Variants in SGMS1 observed in about 807,000 individuals in gnomAD.
The protein encoded by SGMS1 is phosphatidylcholine:ceramide cholinephosphotransferase 1.
In SGMS1, 13 loss-of-function variants were observed where a neutral mutation model predicts 46.2. The observed-to-expected ratio is 0.28, with a 90% CI of 0.18 to 0.45. The LOEUF is 0.45. Among genes scored for constraint, SGMS1 ranks in the 20% least tolerant of loss-of-function variants. The probability of loss-of-function intolerance (pLI) is 1.00; values close to 1 mark genes in which losing one functional copy is unlikely to be tolerated. For missense variants in SGMS1, 324 were observed against 519.9 expected (o/e 0.62, Z 3.66); for synonymous variants, 203 against 187.8 (o/e 1.08, Z -0.66).
At chr10:50,588,199 C>T (rs1838505238) in intron 2 of SGMS1, among the ~76,000 whole-genome samples, 1 of 152,192 alleles carries the variant, frequency 6.6e-6, no homozygotes, top group Non-Finnish European at 1.5e-5. Context: ...TTTTGAAGAA[C>T]CTTTACTGCT....
intron 3 of SGMS1, among the ~76,000 whole-genome samples, chr10:50,487,852 T>C (rs770218991): frequency 6.2e-4 from 95 of 152,190 alleles, no homozygotes; most frequent in Admixed American, 1.6e-3. Flanking sequence ...GAAAACATAA[T>C]TGGGTTTTAT....
At chr10:50,311,195 A>G in intron 9 of SGMS1, 67 bp downstream of exon 9, 1 of 1,556,354 alleles carries the variant, frequency 6.4e-7, no homozygotes, top group Non-Finnish European at 8.7e-7. Flanking sequence ...AATGAGCTTT[A>G]CCAGAGGACC....
At chr10:50,318,775 C>T (rs1364947199) in intron 8 of SGMS1, among the ~76,000 whole-genome samples, 1 of 152,174 alleles carries the variant, frequency 6.6e-6, no homozygotes, top group Non-Finnish European at 1.5e-5. Flanking sequence ...TTTCCCTTCA[C>T]TCGGCTGTGA....
intron 6 of SGMS1, chr10:50,418,298 G>A (rs1849206380): frequency 6.6e-6 from 1 of 152,280 alleles, no homozygotes; most frequent in Admixed American, 6.5e-5. Flanking sequence ...GCGGCGCTGC[G>A]GAGCCCGGCG....
intron 2 of SGMS1, among the ~76,000 whole-genome samples, chr10:50,562,834 G>A (rs1395813498): frequency 6.6e-6 from 1 of 152,148 alleles, no homozygotes; most frequent in Non-Finnish European, 1.5e-5. Flanking sequence ...GTGAGCCACC[G>A]CGCCCGGCCG....
chr10:50,415,285 G>C (rs188302999), intron 6 of SGMS1, among the ~76,000 whole-genome samples: 99 of 152,264 alleles, frequency 6.5e-4, no homozygotes, highest in East Asian at 9.7e-4. Context: ...TTTTATTTTT[G>C]TAAGTGATTC....
At chr10:50,576,142 C>T (rs770542207) in intron 2 of SGMS1, among the ~76,000 whole-genome samples, 20 of 152,112 alleles carry the variant, frequency 1.3e-4, no homozygotes, top group Admixed American at 6.5e-5. Flanking sequence ...CTGTATTACT[C>T]GGCCCCAGCT....
At chr10:50,495,029 C>G (rs1837600115) in intron 3 of SGMS1, among the ~76,000 whole-genome samples, 1 of 133,136 alleles carries the variant, frequency 7.5e-6, no homozygotes, top group Non-Finnish European at 1.6e-5. Context: ...GAGCGAGACT[C>G]CGTCTCAAAA....
Position 50,615,020 on chromosome 10 carries a change from T to A in SGMS1, c.-684+8687A>T, listed in dbSNP as rs569126905. On this transcript the variant is annotated intron_variant, in intron 1 of 10. Transcript: ENST00000361781. Reference sequence around the variant, plus strand: ...CTCTGCCAAAAGGTCTAATCAGAACTAGGAATATAGCAAAATAAAATTCGC... The same window carrying A: ...CTCTGCCAAAAGGTCTAATCAGAACAAGGAATATAGCAAAATAAAATTCGC... Among the ~76,000 whole-genome samples the A allele has an allele frequency of 4.5e-4, 69 of 152,368 alleles. 1 individual carries two copies. Among genetic ancestry groups the A allele is most frequent in the African/African-American group, 1.6e-3 (67 of 41,592 alleles).
At chr10:50,371,588 C>T (rs888441641) in intron 6 of SGMS1, among the ~76,000 whole-genome samples, 1 of 152,192 alleles carries the variant, frequency 6.6e-6, no homozygotes, top group Non-Finnish European at 1.5e-5. Flanking sequence ...GTAGTTCCTA[C>T]CTCACAGACT....
At chr10:50,411,802 C>T (rs377374618) in intron 6 of SGMS1, among the ~76,000 whole-genome samples, 25 of 152,136 alleles carry the variant, frequency 1.6e-4, no homozygotes, top group African/African-American at 5.8e-4. Context: ...TTAGGATCAC[C>T]AGGTTTCTTT....
intron 5 of SGMS1, among the ~76,000 whole-genome samples, chr10:50,448,742 CAA>C (rs35580756): frequency 2.4e-4 from 14 of 58,720 alleles, no homozygotes; most frequent in South Asian, 5.3e-4. Context: ...GAAACTCCGC[CAA>C]AAAAAAAAAA....
Position 50,596,206 on chromosome 10 carries a change from C to T in SGMS1, c.-683-5959G>A, listed in dbSNP as rs183239796. Among the ~76,000 whole-genome samples, 1,168 of 127,542 alleles carry T rather than the reference C, an allele frequency of 9.2e-3. 7 individuals are homozygous for T. The highest frequency in any genetic ancestry group is 0.03 in the African/African-American group (981 of 32,476). The allele number at this position is 127,542 out of a possible 152,430, so 83.7% of individuals were successfully genotyped here. ...TTTTTTTTTTTTTGAGACAGAGTTT[C>T]GCTCTTGTTGCCCAGGCTGAAGTGC... On this transcript the variant is annotated intron_variant, in intron 1 of 10. Transcript: ENST00000361781.
At chr10:50,331,045 T>C (rs1847616183) in intron 7 of SGMS1, among the ~76,000 whole-genome samples, 1 of 152,128 alleles carries the variant, frequency 6.6e-6, no homozygotes, top group African/African-American at 2.4e-5. Flanking sequence ...GGAAAGGCCA[T>C]GAAATAGCAC....
At chr10:50,475,790 T>C (rs1195656530) in intron 3 of SGMS1, among the ~76,000 whole-genome samples, 1 of 152,126 alleles carries the variant, frequency 6.6e-6, no homozygotes, top group Non-Finnish European at 1.5e-5. Flanking sequence ...CATGTAAAGA[T>C]GTGCCTGCTA....
chr10:50,606,859 G>T (rs1011514372), intron 1 of SGMS1, among the ~76,000 whole-genome samples: 3 of 152,112 alleles, frequency 2.0e-5, no homozygotes, highest in East Asian at 3.8e-4. Flanking sequence ...ATGTATCCTA[G>T]AATCTCCTGC....
rs565433888 is a variant in SGMS1, at chr10:50,365,450, T to TA, written c.-231-21106dup. 3.3e-3 allele frequency among the ~76,000 whole-genome samples: 502 copies of TA among 152,244 alleles called. 6 individuals carry two copies. The highest frequency in any genetic ancestry group is 0.011 in the African/African-American group (450 of 41,548). ...TTTTATTTTACTTTAAGTTACAAGA[T>TA]ACACGTGCAGAGCATGCAGGTTTGT... On this transcript the variant is annotated intron_variant, in intron 6 of 10. Coordinates refer to ENST00000361781, the MANE Select transcript of SGMS1 (RefSeq NM_147156.4).
At chr10:50,467,935 A>G (rs1407693621) in intron 3 of SGMS1, among the ~76,000 whole-genome samples, 1 of 152,192 alleles carries the variant, frequency 6.6e-6, no homozygotes, top group African/African-American at 2.4e-5. Flanking sequence ...TATGATAGAA[A>G]CAGAAGGGGA....
chr10:50,457,652 G>A (rs190934906), intron 5 of SGMS1, among the ~76,000 whole-genome samples: 253 of 152,234 alleles, frequency 1.7e-3, no homozygotes, highest in Non-Finnish European at 2.5e-3. Flanking sequence ...ACGTATAAGT[G>A]AGAACGTGTG....
Sources: allele counts gnomAD v4.1 joint callset (sites outside exome capture counted in the v4.1 genomes callset), GRCh38; gene constraint gnomAD v4.1.1; transcripts MANE v1.5; gene names NCBI Gene and HGNC (gene_info 2026-07-23, HGNC 2026-07-21).